SYNJ2: variants seen among roughly 807,000 people sequenced by gnomAD.
SYNJ2 encodes the protein synaptojanin 2.
A neutral mutation model predicts 141.3 loss-of-function variants in SYNJ2; 116 were observed. The ratio of observed to expected loss-of-function variants is 0.82; its 90% CI spans 0.71 to 0.96. SYNJ2 has a LOEUF of 0.96. Ranked by LOEUF, SYNJ2 falls within the 40% of genes least tolerant of loss-of-function variation. SYNJ2 has a pLI of 0.00. For missense variants in SYNJ2, 1,873 were observed against 1,934.8 expected (o/e 0.97, Z 0.60); for synonymous variants, 745 against 777.7 (o/e 0.96, Z 0.70).
At chr6:157,995,294 C>T (rs1008779404) in intron 1 of SYNJ2, among the ~76,000 whole-genome samples, 5 of 152,128 alleles carry the variant, frequency 3.3e-5, no homozygotes, top group Admixed American at 6.5e-5. Context: ...TTGCTGAGAG[C>T]GTCTCAGAAT....
intron 5 of SYNJ2, among the ~76,000 whole-genome samples, chr6:158,053,170 C>T (rs974502666): frequency 6.6e-6 from 1 of 152,172 alleles, no homozygotes; most frequent in African/African-American, 2.4e-5. Context: ...ATGCTGTATC[C>T]TTCTCAGGGT....
rs753895162 is a variant in SYNJ2, at chr6:158,069,550, TG to T, written c.1818del (p.Met606IlefsTer19). ...TCTTCCAGTACTACCAACAAGAAGA[TG>T]TGGGGTGAACAGCTTCAGAAAGCCA... Reference protein sequence around the residue: ...IVNASTTNKKMWGEQLQKAIS... With the variant: ...IVNASTTNKKXWGEQLQKAIS... On this transcript the variant is annotated frameshift_variant, in exon 14 of 27. Transcript: ENST00000355585. LOFTEE classifies it high-confidence loss of function. The T allele has an allele frequency of 6.2e-7, 1 of 1,613,420 alleles. No individual in the cohort carries two copies. Among genetic ancestry groups the T allele is most frequent in the South Asian group, 1.1e-5 (1 of 91,008 alleles).
At chr6:158,076,581 G>C in intron 16 of SYNJ2, 45 bp from the exon 17 acceptor site, 1 of 1,580,646 alleles carries the variant, frequency 6.3e-7, no homozygotes, top group Non-Finnish European at 8.6e-7. Flanking sequence ...TAACATTCAG[G>C]ATCGAAAACT....
In SYNJ2 at chr6:158,071,284, A is replaced by T. The variant is rs1051432931; in HGVS notation, c.1941-318A>T. ...GAGTGGGGTGGGCTGGTGGGTGGTG[A>T]TGTTTGCGCCGCTCCTGGTGGCAGT... On this transcript the variant is annotated intron_variant, in intron 14 of 26. Transcript: ENST00000355585. This position sits in a 1 kb window ranked among gnomAD's most constrained non-coding sequence, Gnocchi z 4.3. 1.3e-5 allele frequency among the ~76,000 whole-genome samples: 2 copies of T among 152,062 alleles called. No individual in the cohort carries two copies. Among genetic ancestry groups the T allele is most frequent in the Non-Finnish European group, 2.9e-5 (2 of 68,018 alleles).
chr6:158,083,961 A>G (rs754857982), intron 21 of SYNJ2, 40 bp from the exon 22 acceptor site: 1 of 1,608,774 alleles, frequency 6.2e-7, no homozygotes, highest in South Asian at 1.1e-5. Context: ...TTTCCCCCTC[A>G]TTGTTTTCAC....
At chr6:158,021,992 C>A (rs540900669) in intron 2 of SYNJ2, among the ~76,000 whole-genome samples, 1 of 152,124 alleles carries the variant, frequency 6.6e-6, no homozygotes, top group Non-Finnish European at 1.5e-5. Context: ...GTGCTCACTG[C>A]GGGTGTTCAC....
At chr6:158,094,495 G>A (rs905646327) in intron 26 of SYNJ2, among the ~76,000 whole-genome samples, 8 of 151,392 alleles carry the variant, frequency 5.3e-5, no homozygotes, top group Admixed American at 2.6e-4. Context: ...TGCTTTCTAC[G>A]GAACATTAGC....
Position 158,044,855 on chromosome 6 carries a change from C to A in SYNJ2, c.795+1456C>A, listed in dbSNP as rs2128346161. Among the ~76,000 whole-genome samples the A allele has an allele frequency of 2.0e-5, 3 of 152,186 alleles. No individual in the cohort carries two copies. In the South Asian group the frequency reaches 6.2e-4, roughly 32 times the overall value. On this transcript the variant is annotated intron_variant, in intron 5 of 26. Transcript: ENST00000355585. ...AGACGTTCCAAAAGAGTTTTTGAAACCTGATTTTCTTTAAATATGGAGTTT... is the reference window on the plus strand; with the variant it reads ...AGACGTTCCAAAAGAGTTTTTGAAAACTGATTTTCTTTAAATATGGAGTTT...
At chr6:158,063,714 A>C in intron 8 of SYNJ2, 77 bp from the exon 9 acceptor site, 1 of 1,019,052 alleles carries the variant, frequency 9.8e-7, no homozygotes, top group Non-Finnish European at 1.5e-6. Context: ...GTCAAAAGTC[A>C]GACATGGGCC....
intron 1 of SYNJ2, 121 bp from the exon 2 acceptor site, chr6:158,017,083 T>C (rs1025197236): frequency 1.4e-6 from 2 of 1,432,100 alleles, no homozygotes; most frequent in Non-Finnish European, 9.2e-7. Flanking sequence ...TGGGCCGAGC[T>C]ATTGTCTTTG....
At chr6:158,018,528 C>T (rs924855341) in intron 2 of SYNJ2, among the ~76,000 whole-genome samples, 1 of 152,146 alleles carries the variant, frequency 6.6e-6, no homozygotes, top group African/African-American at 2.4e-5. Context: ...CAGAAAAGCA[C>T]GGTTACGTTG....
chr6:158,027,399 C>G lies in SYNJ2; in HGVS notation c.215-1357C>G, dbSNP rs1372923427. ...GGTTTCTACCCGATGATCTCTTGGG[C>G]CCCGTCCCGAGAGTGAGGCACGGCG... On this transcript the variant is annotated intron_variant, in intron 2 of 26. Coordinates refer to ENST00000355585, the MANE Select transcript of SYNJ2 (RefSeq NM_003898.4). This position sits in a 1 kb window ranked among gnomAD's most constrained non-coding sequence, Gnocchi z 4.6. 1.0e-5 allele frequency: 2 copies of G among 198,776 alleles called. No homozygotes were observed. The highest frequency in any genetic ancestry group is 1.8e-5 in the Non-Finnish European group (2 of 110,760). 12.3% of individuals were successfully genotyped at this position (198,776 alleles called of 1,614,324 possible). A position where few individuals can be genotyped will look rare whatever the true frequency, so the allele number is the denominator to read the frequency against.
At chr6:158,015,303 T>C (rs941663172) in intron 1 of SYNJ2, among the ~76,000 whole-genome samples, 1 of 152,188 alleles carries the variant, frequency 6.6e-6, no homozygotes, top group Non-Finnish European at 1.5e-5. Context: ...TAAGAATCCT[T>C]TTCGGCTGCT....
intron 2 of SYNJ2, chr6:158,017,889 C>A: frequency 2.2e-6 from 1 of 447,654 alleles, no homozygotes; most frequent in Non-Finnish European, 4.6e-6. Context: ...GTCTTCATTG[C>A]TTGCCGGCGA....
intron 1 of SYNJ2, among the ~76,000 whole-genome samples, chr6:158,004,917 G>A (rs1392759420): frequency 2.0e-5 from 3 of 151,726 alleles, no homozygotes; most frequent in African/African-American, 4.8e-5. Context: ...TTGATCCTTC[G>A]GAGGACCTTC....
At chr6:158,092,751 C>T (rs1380166225) in intron 25 of SYNJ2, among the ~76,000 whole-genome samples, 175 bp from the exon 26 acceptor site, 1 of 151,868 alleles carries the variant, frequency 6.6e-6, no homozygotes, top group Admixed American at 6.6e-5. Flanking sequence ...GGTGGCAGAG[C>T]GAGAGCCCAT....
At chr6:158,090,533 T>A (rs984543196) in intron 25 of SYNJ2, among the ~76,000 whole-genome samples, 3 of 142,440 alleles carry the variant, frequency 2.1e-5, no homozygotes, top group Non-Finnish European at 4.5e-5. Flanking sequence ...TTTCTTCGTT[T>A]TTTTTTTTGT....
intron 12 of SYNJ2, chr6:158,067,833 G>C (rs1034897675): frequency 1.0e-6 from 1 of 985,090 alleles, no homozygotes; most frequent in East Asian, 1.1e-4. Context: ...GCTGCTTGTG[G>C]TGCCTCCAGA....
At chr6:158,074,873 G>A in intron 16 of SYNJ2, 135 bp downstream of exon 16, 1 of 1,091,208 alleles carries the variant, frequency 9.2e-7, no homozygotes, top group East Asian at 2.7e-5. Flanking sequence ...AAAATAGGTG[G>A]GCTTGTGAGG....
Sources: gnomAD v4.1 joint callset for allele counts (sites outside exome capture counted in the v4.1 genomes callset) on GRCh38, gnomAD v4.1.1 for gene constraint, Gnocchi (gnomAD v3.1) non-coding constraint, MANE v1.5 for transcripts, NCBI Gene and HGNC (gene_info 2026-07-23, HGNC 2026-07-21) for gene names.